Variants in LRP1B observed in about 807,000 individuals in gnomAD.
LRP1B encodes the protein low-density lipoprotein receptor-related protein 1B.
In LRP1B, 217 loss-of-function variants were observed where a neutral mutation model predicts 556.6. That is an observed-to-expected ratio of 0.39 (90% CI 0.35 to 0.44). LRP1B has a LOEUF of 0.44. Among genes scored for constraint, LRP1B ranks in the 20% least tolerant of loss-of-function variants. The pLI is 1.00. For missense variants in LRP1B, 5,053 were observed against 5,620.8 expected, an observed-to-expected ratio of 0.90 and a Z score of 3.23; for synonymous variants, 2,047 against 1,865.8, an observed-to-expected ratio of 1.10 and a Z score of -2.50.
intron 66 of LRP1B, among the ~76,000 whole-genome samples, chr2:140,401,426 T>C (rs1684496306): frequency 6.6e-6 from 1 of 152,170 alleles, no homozygotes; most frequent in Non-Finnish European, 1.5e-5. Context: ...CTCTTCTGTG[T>C]AGCCAAGTCA....
Position 140,776,012 on chromosome 2 carries a change from C to A in LRP1B, c.5500+86G>T, listed in dbSNP as rs183524093. Reference sequence around the variant, plus strand: ...TTTTTATTAGAAGCAAGAATAGAAACCTTTTATTGTTGAATTGAGGAGCTA... The same window carrying A: ...TTTTTATTAGAAGCAAGAATAGAAAACTTTTATTGTTGAATTGAGGAGCTA... On this transcript the variant is annotated intron_variant, in intron 33 of 90. Transcript: ENST00000389484. The A allele has an allele frequency of 5.5e-5, 62 of 1,133,706 alleles. No individual in the cohort carries two copies. The African/African-American group carries it at 6.1e-4, about 11-fold the overall frequency. The allele number at this position is 1,133,706 out of a possible 1,614,324, so 70.2% of individuals were successfully genotyped here.
chr2:142,011,478 A>G (rs941763903), intron 1 of LRP1B, among the ~76,000 whole-genome samples: 2 of 152,200 alleles, frequency 1.3e-5, no homozygotes, highest in African/African-American at 4.8e-5. Flanking sequence ...CTTAAAGCCT[A>G]AAAGATAATT....
At chr2:142,058,411 T>C (rs1026994473) in intron 1 of LRP1B, among the ~76,000 whole-genome samples, 1 of 152,180 alleles carries the variant, frequency 6.6e-6, no homozygotes, top group African/African-American at 2.4e-5. Context: ...TATCCTGCTG[T>C]TCTTCCCAAC....
intron 18 of LRP1B, among the ~76,000 whole-genome samples, chr2:140,976,322 G>A (rs2105335906): frequency 6.7e-6 from 1 of 149,430 alleles, no homozygotes; most frequent in African/African-American, 2.5e-5. Context: ...CTCTTTTCTT[G>A]TAATTTTGTA....
intron 18 of LRP1B, among the ~76,000 whole-genome samples, chr2:140,970,574 T>C (rs1319228495): frequency 1.3e-5 from 2 of 152,132 alleles, no homozygotes; most frequent in Non-Finnish European, 2.9e-5. Flanking sequence ...GGAGCTACGT[T>C]CCTCAGTTGG....
At chr2:142,057,326 A>G (rs1341040411) in intron 1 of LRP1B, among the ~76,000 whole-genome samples, 2 of 152,192 alleles carry the variant, frequency 1.3e-5, no homozygotes, top group East Asian at 3.9e-4. Flanking sequence ...ATCAGAGATC[A>G]GGGCCATGAA....
At chr2:141,159,685 C>T (rs1236027722) in intron 7 of LRP1B, among the ~76,000 whole-genome samples, 3 of 152,116 alleles carry the variant, frequency 2.0e-5, no homozygotes, top group African/African-American at 4.8e-5. Context: ...ACAAGTTCTT[C>T]ATAAAATGAC....
chr2:142,053,260 T>C (rs183227718), intron 1 of LRP1B, among the ~76,000 whole-genome samples: 1 of 152,282 alleles, frequency 6.6e-6, no homozygotes, highest in African/African-American at 2.4e-5. Context: ...AACGTTACTA[T>C]AGCAATTTAG....
At chr2:141,415,935 A>T (rs900521376) in intron 3 of LRP1B, among the ~76,000 whole-genome samples, 1 of 152,200 alleles carries the variant, frequency 6.6e-6, no homozygotes, top group Non-Finnish European at 1.5e-5. Context: ...GAAGCAGGGA[A>T]GATTGAGAAC....
chr2:141,157,125 A>G (rs1422105293), intron 7 of LRP1B, among the ~76,000 whole-genome samples: 1 of 152,188 alleles, frequency 6.6e-6, no homozygotes, highest in Non-Finnish European at 1.5e-5. Context: ...TTTTAAATTT[A>G]TAAAAAATAT....
At chr2:140,459,486 T>C (rs1049093089) in intron 60 of LRP1B, among the ~76,000 whole-genome samples, 1 of 152,168 alleles carries the variant, frequency 6.6e-6, no homozygotes, top group African/African-American at 2.4e-5. Flanking sequence ...TCTCAATCCA[T>C]AAGAGATTCA....
rs988741719 is a variant in LRP1B at position 140,745,030 on chromosome 2, A to G, written c.5758+24183T>C. On this transcript the variant is annotated intron_variant, in intron 35 of 90. Coordinates refer to ENST00000389484, the MANE Select transcript of LRP1B (RefSeq NM_018557.3). ...GTTTAAAAAGAATAAAGTCAAATAT[A>G]TTATGTATCATTACTTTAAAAACAG... 1.3e-5 allele frequency among the ~76,000 whole-genome samples: 2 copies of G among 152,232 alleles called. 1 individual carries two copies. Among genetic ancestry groups the G allele is most frequent in the Non-Finnish European group, 2.9e-5 (2 of 68,032 alleles).
intron 7 of LRP1B, among the ~76,000 whole-genome samples, chr2:141,062,936 T>C (rs926496102): frequency 3.3e-5 from 5 of 151,868 alleles, no homozygotes; most frequent in African/African-American, 1.2e-4. Flanking sequence ...GAGAAAAGGC[T>C]GAAGAGTAAT....
intron 23 of LRP1B, among the ~76,000 whole-genome samples, chr2:140,887,377 T>A (rs1305667483): frequency 6.6e-6 from 1 of 152,208 alleles, no homozygotes; most frequent in Admixed American, 6.5e-5. Context: ...AATTTTTGCA[T>A]ATGGTATGAG....
intron 1 of LRP1B, among the ~76,000 whole-genome samples, chr2:141,950,097 C>T (rs1701066605): frequency 6.6e-6 from 1 of 152,114 alleles, no homozygotes; most frequent in Non-Finnish European, 1.5e-5. Context: ...TTAGGTATTA[C>T]ATAATCTTTC....
In LRP1B at chr2:141,888,920, T is replaced by C. The variant is rs550021914; in HGVS notation, c.83-78519A>G. ...CGGCCAACCAGCCAGGGATATTTTC[T>C]TCAGGGAGCTGGGGAGAACTTAAGC... On this transcript the variant is annotated intron_variant, in intron 1 of 90. Transcript: ENST00000389484. 6.6e-5 allele frequency among the ~76,000 whole-genome samples: 10 copies of C among 152,294 alleles called. No homozygotes were observed. In the East Asian group the frequency reaches 1.9e-3, roughly 29 times the overall value.
intron 1 of LRP1B, among the ~76,000 whole-genome samples, chr2:141,958,662 G>A (rs1701328276): frequency 6.6e-6 from 1 of 151,768 alleles, no homozygotes; most frequent in African/African-American, 2.4e-5. Context: ...CGTCTGTAAG[G>A]CAAAATCAGA....
chr2:141,676,742 A>C (rs2105422405), intron 2 of LRP1B, among the ~76,000 whole-genome samples: 1 of 152,260 alleles, frequency 6.6e-6, no homozygotes, highest in African/African-American at 2.4e-5. Context: ...TTTCCCTTAG[A>C]GTATTCTTAA....
At chr2:140,544,694 A>G (rs1680260684) in intron 43 of LRP1B, among the ~76,000 whole-genome samples, 1 of 152,072 alleles carries the variant, frequency 6.6e-6, no homozygotes, top group African/African-American at 2.4e-5. Context: ...TGGTATAAAT[A>G]CAGCACATCT....
Sources: gnomAD v4.1 joint callset for allele counts (sites outside exome capture counted in the v4.1 genomes callset) on GRCh38, gnomAD v4.1.1 for gene constraint, MANE v1.5 for transcripts, NCBI Gene and HGNC (gene_info 2026-07-23, HGNC 2026-07-21) for gene names.